Variants in COL5A1 observed in about 807,000 individuals in gnomAD.
COL5A1 encodes collagen type V alpha 1 chain.
A neutral mutation model predicts 263.7 loss-of-function variants in COL5A1; 16 were observed. That is an observed-to-expected ratio of 0.06 (90% CI 0.04 to 0.09). The LOEUF is 0.09. Among genes scored for constraint, COL5A1 ranks in the 10% least tolerant of loss-of-function variants. The pLI, the probability that COL5A1 is intolerant of heterozygous loss-of-function variation, is 1.00. For missense variants in COL5A1, 2,036 were observed against 2,540.5 expected (o/e 0.80, Z 4.27); for synonymous variants, 1,012 against 1,004.5 (o/e 1.01, Z -0.14).
chr9:134,800,941 G>A (rs948018992), intron 37 of COL5A1, among the ~76,000 whole-genome samples: 1 of 152,078 alleles, frequency 6.6e-6, no homozygotes, highest in South Asian at 2.1e-4. Context: ...AGTTTGCCTC[G>A]AGGCCTCCGG....
At position 134,817,901 on chromosome 9, in the gene COL5A1, G is replaced by T; in HGVS notation, c.4230+70G>T. The T allele has an allele frequency of 2.7e-6, 4 of 1,464,456 alleles. No individual in the cohort carries two copies. In the South Asian group the frequency reaches 4.9e-5, roughly 18 times the overall value. 90.7% of individuals were successfully genotyped at this position (1,464,456 alleles called of 1,614,324 possible). On this transcript the variant is annotated intron_variant, in intron 54 of 65. Transcript: ENST00000371817. The stretch of plus-strand genomic sequence containing the variant: ...AGGGGAGCCCAGAGGGTGGGGAGTG[G>T]ACAAGCGTGTGGGCAGAGATGTCCA...
intron 1 of COL5A1, among the ~76,000 whole-genome samples, chr9:134,659,949 A>G (rs920833276): frequency 3.3e-5 from 5 of 152,162 alleles, no homozygotes; most frequent in Non-Finnish European, 7.4e-5. Context: ...GTTTCAGCCG[A>G]CACACGGCCA....
rs182795168 is a variant in COL5A1, at chr9:134,741,006, C to T, written c.1494+2198C>T. Among the ~76,000 whole-genome samples the T allele has an allele frequency of 3.3e-3, 497 of 152,322 alleles. 2 individuals carry two copies. Among genetic ancestry groups the T allele is most frequent in the African/African-American group, 0.011 (471 of 41,586 alleles). On this transcript the variant is annotated intron_variant, in intron 11 of 65. Transcript: ENST00000371817. This position sits in a 1 kb window ranked among gnomAD's most constrained non-coding sequence, Gnocchi z 4.5. Reference sequence around the variant, plus strand: ...CCTTCCAGTGAGAGGGGTGCTGGTTCCAGGAGCTGAGAGCTGACCACCCCT... The same window carrying T: ...CCTTCCAGTGAGAGGGGTGCTGGTTTCAGGAGCTGAGAGCTGACCACCCCT...
rs1470474061 is a variant in COL5A1 at position 134,701,153 on chromosome 9, C to A, written c.492-18C>A. On this transcript the variant is annotated intron_variant, in intron 3 of 65. Transcript: ENST00000371817. ...ATCTGTGATCCAAGCCCTGTCTTCA[C>A]CATCTGTTTCTTTGCAGGTGGCACA... 1 of 1,613,588 alleles carries A rather than the reference C, an allele frequency of 6.2e-7. No individual in the cohort carries two copies.
Position 134,738,732 on chromosome 9 carries a change from A to G in COL5A1, c.1432-14A>G, listed in dbSNP as rs766607751. 1.2e-6 allele frequency: 2 copies of G among 1,610,372 alleles called. No homozygotes were observed. The highest frequency in any genetic ancestry group is 1.7e-6 in the Non-Finnish European group (2 of 1,177,102). On this transcript the variant is annotated splice_polypyrimidine_tract_variant and intron_variant, in intron 10 of 65. Coordinates refer to ENST00000371817, the MANE Select transcript of COL5A1 (RefSeq NM_000093.5). ...CCCATCTTCTAACTGCCCCAACTTT[A>G]TTTTTAATTCTAGGGTCTTCCCGGA...
chr9:134,813,398 A>T (rs1210608996), intron 48 of COL5A1, among the ~76,000 whole-genome samples: 1 of 152,200 alleles, frequency 6.6e-6, no homozygotes, highest in Admixed American at 6.5e-5. Flanking sequence ...GACATCAATC[A>T]GGCCATTAAA....
Position 134,802,986 on chromosome 9 carries a change from A to G in COL5A1, c.3105A>G (p.Glu1035=). ...EQGLPGLAGK[E]GTKGDPGPAG... ...GGCTTCCGGGCCTTGCTGGAAAAGA[A>G]GGGACGAAGGTGAGTTTCTGGAGCC... The change falls in exon 39 of 66, where the codon GAA becomes GAG. Residue 1035 remains glutamate, a synonymous_variant. Transcript: ENST00000371817. 6.2e-7 allele frequency: 1 copy of G among 1,601,398 alleles called. No individual in the cohort carries two copies. The highest frequency in any genetic ancestry group is 1.3e-5 in the African/African-American group (1 of 74,950).
intron 48 of COL5A1, 46 bp from the exon 49 acceptor site, chr9:134,813,937 A>G: frequency 6.5e-7 from 1 of 1,545,948 alleles, no homozygotes; most frequent in Non-Finnish European, 8.8e-7. Flanking sequence ...CACTGCGTTC[A>G]TCGCGGTGCT....
At position 134,731,612 on chromosome 9, in the gene COL5A1, G is replaced by A. The variant is rs147292897; in HGVS notation, c.1281G>A (p.Pro427=). 149 of 1,614,142 alleles carry A rather than the reference G, an allele frequency of 9.2e-5. No individual in the cohort carries two copies. The African/African-American group carries it at 1.1e-3, about 12-fold the overall frequency. The change falls in exon 8 of 66, where the codon CCG becomes CCA. Residue 427 remains proline, a synonymous_variant. Coordinates refer to ENST00000371817, the MANE Select transcript of COL5A1 (RefSeq NM_000093.5). ...CCTACTACGACCCCACCAGCTCCCC[G>A]TCGGAGATCGGGCCGGGAATGCCGG... ...YDPYYDPTSS[P]SEIGPGMPAN...
rs191171904 is a variant in COL5A1 at position 134,810,543 on chromosome 9, G to A, written c.3528+235G>A. The A allele has an allele frequency of 2.7e-4, 149 of 551,228 alleles. 1 individual carries two copies. Among genetic ancestry groups the A allele is most frequent in the Middle Eastern group, 2.4e-3 (5 of 2,098 alleles). 34.1% of individuals were successfully genotyped at this position (551,228 alleles called of 1,614,324 possible). A position where few individuals can be genotyped will look rare whatever the true frequency, so the allele number is the denominator to read the frequency against. On this transcript the variant is annotated intron_variant, in intron 44 of 65. Transcript: ENST00000371817. ...AACAGGAAGCATCCACCGGTTTTGCGAAATTAAATAAATGGAGTGTTTCTG... is the reference window on the plus strand; with the variant it reads ...AACAGGAAGCATCCACCGGTTTTGCAAAATTAAATAAATGGAGTGTTTCTG...
intron 1 of COL5A1, among the ~76,000 whole-genome samples, chr9:134,662,142 CAAAAAA>C (rs34491867): frequency 0.082 from 10,001 of 121,264 alleles, 428 homozygotes; most frequent in Non-Finnish European, 0.11. Flanking sequence ...ATATCTTGGC[CAAAAAA>C]AAAAAAAAAA....
intron 4 of COL5A1, among the ~76,000 whole-genome samples, chr9:134,723,363 G>A (rs767565668): frequency 5.0e-4 from 76 of 152,178 alleles, no homozygotes; most frequent in African/African-American, 1.6e-3. Context: ...GGTACGTGGC[G>A]GCCAGGGACG....
intron 4 of COL5A1, among the ~76,000 whole-genome samples, chr9:134,701,655 T>C (rs1833680961): frequency 6.6e-6 from 1 of 152,158 alleles, no homozygotes; most frequent in Non-Finnish European, 1.5e-5. Flanking sequence ...CTGAGGCTCC[T>C]GGAAACCTGC....
At chr9:134,737,899 G>T (rs1483397533) in intron 9 of COL5A1, among the ~76,000 whole-genome samples, 2 of 152,182 alleles carry the variant, frequency 1.3e-5, no homozygotes, top group Non-Finnish European at 2.9e-5. Flanking sequence ...GGACATGGCA[G>T]GGTTTCCCAT....
At chr9:134,822,221 G>T in intron 59 of COL5A1, 71 bp downstream of exon 59, 1 of 1,284,290 alleles carries the variant, frequency 7.8e-7, no homozygotes, top group Admixed American at 1.7e-5. Context: ...TGGGGCCTCA[G>T]TGTGGAGCTA....
chr9:134,749,474 C>T (rs944055668), intron 11 of COL5A1, among the ~76,000 whole-genome samples: 3 of 152,186 alleles, frequency 2.0e-5, no homozygotes, highest in Admixed American at 6.5e-5. Context: ...AAAGACAAGG[C>T]AGGCAAGTTT....
chr9:134,719,468 C>A (rs550600466), intron 4 of COL5A1, among the ~76,000 whole-genome samples: 1 of 152,360 alleles, frequency 6.6e-6, no homozygotes, highest in Non-Finnish European at 1.5e-5. Context: ...CACCAGCCAA[C>A]CCCAGATCCT....
At chr9:134,663,958 AG>A (rs1832284772) in intron 1 of COL5A1, among the ~76,000 whole-genome samples, 1 of 152,136 alleles carries the variant, frequency 6.6e-6, no homozygotes, top group Non-Finnish European at 1.5e-5. Context: ...TGGGCTCTCC[AG>A]GGGGAAGGGA....
At chr9:134,770,786 C>A (rs1277646609) in intron 25 of COL5A1, among the ~76,000 whole-genome samples, 1 of 152,234 alleles carries the variant, frequency 6.6e-6, no homozygotes, top group Non-Finnish European at 1.5e-5. Flanking sequence ...TTGGGAAACA[C>A]ACACAAGTAG....
Sources: allele counts gnomAD v4.1 joint callset (sites outside exome capture counted in the v4.1 genomes callset), GRCh38; gene constraint gnomAD v4.1.1; non-coding constraint Gnocchi (gnomAD v3.1); transcripts MANE v1.5; gene names NCBI Gene and HGNC (gene_info 2026-07-23, HGNC 2026-07-21).